DNAI1: variants seen among roughly 807,000 people sequenced by gnomAD.
The protein encoded by DNAI1 is dynein, axonemal, intermediate polypeptide 1.
A neutral mutation model predicts 92.0 loss-of-function variants in DNAI1; 67 were observed. The observed-to-expected ratio is 0.73, with a 90% confidence interval of 0.60 to 0.89. The LOEUF is 0.89. Ranked by LOEUF, DNAI1 falls within the 40% of genes least tolerant of loss-of-function variation. The pLI is 0.00. For synonymous variants in DNAI1, 323 were observed against 319.6 expected, an observed-to-expected ratio of 1.01 and a Z score of -0.11; for missense variants, 839 against 866.6, an observed-to-expected ratio of 0.97 and a Z score of 0.40.
Position 34,490,143 on chromosome 9 carries a change from C to G in DNAI1, c.501+19C>G. 1.2e-6 allele frequency: 2 copies of G among 1,613,598 alleles called. No homozygotes were observed. Among genetic ancestry groups the G allele is most frequent in the Non-Finnish European group, 1.7e-6 (2 of 1,179,762 alleles). On this transcript the variant is annotated intron_variant, in intron 6 of 19. Coordinates refer to ENST00000242317, the MANE Select transcript of DNAI1 (RefSeq NM_012144.4). ...AGCTGGGGTACAGTATAATATCGCT[C>G]TGTGTCCCTCTTCTTCCAGCTCAAG... is the stretch of plus-strand genomic sequence containing the variant.
chr9:34,458,964 C>T lies in DNAI1; in HGVS notation c.-42C>T. On this transcript the variant is annotated 5_prime_UTR_variant, in exon 1 of 20. Transcript: ENST00000242317. The surrounding 1 kb of genome is among the most constrained non-coding windows in gnomAD (Gnocchi z 6.6). ...TCAAGGAGACGGACAAACTTTTTGT[C>T]TTCAGACGAGGGAGCGTTTTGTAGG... 6.2e-7 allele frequency: 1 copy of T among 1,604,450 alleles called. No homozygotes were observed. The highest frequency in any genetic ancestry group is 8.5e-7 in the Non-Finnish European group (1 of 1,171,302).
At chr9:34,476,905 G>A (rs922201432) in intron 1 of DNAI1, among the ~76,000 whole-genome samples, 28 of 152,314 alleles carry the variant, frequency 1.8e-4, no homozygotes, top group African/African-American at 5.8e-4. Context: ...AGAATTGTAC[G>A]TGACTGAATG....
intron 1 of DNAI1, among the ~76,000 whole-genome samples, chr9:34,467,964 G>T (rs189009511): frequency 6.6e-6 from 1 of 152,282 alleles, no homozygotes; most frequent in East Asian, 1.9e-4. Context: ...ACAGATGTTG[G>T]AATTAGCAGG....
intron 1 of DNAI1, among the ~76,000 whole-genome samples, chr9:34,469,813 C>T (rs1333152633): frequency 6.6e-6 from 1 of 152,170 alleles, no homozygotes; most frequent in Non-Finnish European, 1.5e-5. Flanking sequence ...CTCCAGGCCT[C>T]AAGTGATCCT....
intron 13 of DNAI1, among the ~76,000 whole-genome samples, chr9:34,510,642 CA>C (rs1305889692): frequency 6.6e-6 from 1 of 152,116 alleles, no homozygotes; most frequent in Non-Finnish European, 1.5e-5. Flanking sequence ...CAAATACACA[CA>C]CACCACCCCC....
chr9:34,509,924 A>T (rs1015617941), intron 13 of DNAI1, among the ~76,000 whole-genome samples: 1 of 152,200 alleles, frequency 6.6e-6, no homozygotes, highest in East Asian at 1.9e-4. Flanking sequence ...AAGAAAAAAA[A>T]GAAAAACAGG....
intron 3 of DNAI1, 27 bp from the exon 4 acceptor site, chr9:34,485,410 G>A (rs2132057605): frequency 6.2e-7 from 1 of 1,613,212 alleles, no homozygotes. Flanking sequence ...CTTCATGTAT[G>A]ACCCTCTTGG....
intron 1 of DNAI1, among the ~76,000 whole-genome samples, chr9:34,464,762 A>C (rs1369755037): frequency 6.6e-6 from 1 of 152,164 alleles, no homozygotes; most frequent in Non-Finnish European, 1.5e-5. Flanking sequence ...ATGACGTCAG[A>C]AGCTCTTGAT....
chr9:34,467,097 T>A (rs1314404973), intron 1 of DNAI1, among the ~76,000 whole-genome samples: 1 of 152,206 alleles, frequency 6.6e-6, no homozygotes, highest in Non-Finnish European at 1.5e-5. Context: ...AAGATATAAC[T>A]CGCTTTACTC....
At chr9:34,495,176 C>T (rs1385404047) in intron 9 of DNAI1, among the ~76,000 whole-genome samples, 4 of 152,220 alleles carry the variant, frequency 2.6e-5, no homozygotes, top group Non-Finnish European at 5.9e-5. Context: ...GAGGAAAGGG[C>T]TCACAGGCTG....
chr9:34,488,077 A>G, intron 4 of DNAI1: 1 of 398,196 alleles, frequency 2.5e-6, no homozygotes, highest in South Asian at 1.9e-5. Context: ...TCATCATGAA[A>G]ATAGTTACTA....
intron 1 of DNAI1, among the ~76,000 whole-genome samples, chr9:34,474,398 C>A (rs776200802): frequency 1.4e-4 from 21 of 151,444 alleles, no homozygotes; most frequent in Non-Finnish European, 2.7e-4. Flanking sequence ...CCACGCCTGG[C>A]TAATTTTGTT....
chr9:34,502,621 G>A (rs1824852953), intron 12 of DNAI1, among the ~76,000 whole-genome samples: 1 of 152,126 alleles, frequency 6.6e-6, no homozygotes, highest in South Asian at 2.1e-4. Flanking sequence ...GGGCAGCCTT[G>A]GGCAGGAGCA....
intron 13 of DNAI1, 77 bp downstream of exon 13, chr9:34,506,951 G>A: frequency 6.4e-7 from 1 of 1,562,440 alleles, no homozygotes; most frequent in Middle Eastern, 1.9e-4. Context: ...GAGGGAGCTT[G>A]GGGAGGAGAG....
chr9:34,504,115 T>C (rs1040617544), intron 12 of DNAI1, among the ~76,000 whole-genome samples: 3 of 152,110 alleles, frequency 2.0e-5, no homozygotes, highest in Admixed American at 6.5e-5. Flanking sequence ...CAGAGCGCCA[T>C]GTATTGGAAG....
At chr9:34,504,270 G>A (rs1462961315) in intron 12 of DNAI1, among the ~76,000 whole-genome samples, 1 of 152,170 alleles carries the variant, frequency 6.6e-6, no homozygotes, top group Non-Finnish European at 1.5e-5. Context: ...GGCCTGCCCA[G>A]GCCAGAGATA....
intron 8 of DNAI1, among the ~76,000 whole-genome samples, chr9:34,492,493 G>GAGATATAGATATATATAT (rs1271867592): frequency 1.5e-5 from 1 of 68,268 alleles, no homozygotes; most frequent in Non-Finnish European, 3.1e-5. Context: ...GGGATATGAA[G>GAGATATAGATATATATAT]ATATATATAT....
chr9:34,510,226 T>G (rs1427988555), intron 13 of DNAI1, among the ~76,000 whole-genome samples: 1 of 152,232 alleles, frequency 6.6e-6, no homozygotes, highest in East Asian at 1.9e-4. Context: ...AGGAGAGGAC[T>G]GTCTGTTCTA....
At chr9:34,505,870 G>A (rs150948019) in intron 12 of DNAI1, among the ~76,000 whole-genome samples, 11 of 152,358 alleles carry the variant, frequency 7.2e-5, no homozygotes, top group South Asian at 2.1e-4. Context: ...TGGGAGGACC[G>A]AGCTGGTGGC....
Sources: gnomAD v4.1 joint callset for allele counts (sites outside exome capture counted in the v4.1 genomes callset) on GRCh38, gnomAD v4.1.1 for gene constraint, Gnocchi (gnomAD v3.1) non-coding constraint, MANE v1.5 for transcripts, NCBI Gene and HGNC (gene_info 2026-07-23, HGNC 2026-07-21) for gene names.